The following EBF3 variants were observed in gnomAD, a reference collection of about 807,000 sequenced individuals.
The protein encoded by EBF3 is EBF transcription factor 3.
In EBF3, 18 loss-of-function variants were observed where a neutral mutation model predicts 77.1. The ratio of observed to expected loss-of-function variants is 0.23; its 90% CI spans 0.16 to 0.35. EBF3 has a LOEUF of 0.35. EBF3 is among the 10% of genes least tolerant of loss of function. The pLI is 1.00. For missense variants in EBF3, 558 were observed against 860.0 expected (o/e 0.65, Z 4.39); for synonymous variants, 350 against 343.5 (o/e 1.02, Z -0.21).
intron 4 of EBF3, among the ~76,000 whole-genome samples, chr10:129,960,892 C>T (rs1459182114): frequency 6.6e-6 from 1 of 152,134 alleles, no homozygotes; most frequent in Non-Finnish European, 1.5e-5. Context: ...AACCAGCAGC[C>T]GGAGTTCCAG....
chr10:129,837,970 AG>A lies in EBF3; in HGVS notation c.1873-11del. On this transcript the variant is annotated splice_polypyrimidine_tract_variant and intron_variant, in intron 16 of 16. Transcript: ENST00000440978. The stretch of plus-strand genomic sequence containing the variant: ...ACCAGCCCAGACATAGCTGCAAGAC[AG>A]AAGGACAGAGCAGTTACTGCAGGCT... 6.2e-7 allele frequency: 1 copy of A among 1,614,036 alleles called. No individual in the cohort carries two copies. Among genetic ancestry groups the A allele is most frequent in the Non-Finnish European group, 8.5e-7 (1 of 1,179,958 alleles).
At chr10:129,957,937 G>C (rs1246407525) in intron 5 of EBF3, among the ~76,000 whole-genome samples, 8 of 152,166 alleles carry the variant, frequency 5.3e-5, no homozygotes, top group African/African-American at 1.2e-4. Flanking sequence ...GTCTAAATTA[G>C]CTAAATTAAC....
rs1341147928 is a variant in EBF3 at position 129,938,645 on chromosome 10, G to A, written c.554+18613C>T. 3.9e-5 allele frequency among the ~76,000 whole-genome samples: 6 copies of A among 152,222 alleles called. No individual in the cohort carries two copies. Among genetic ancestry groups the A allele is most frequent in the Non-Finnish European group, 7.3e-5 (5 of 68,042 alleles). ...TTTGATGGGCAGCCCAGGCAGGCAC[G>A]AGCAGAACGCTCCTCCTCCTTGGCT... On this transcript the variant is annotated intron_variant, in intron 6 of 16. Coordinates refer to ENST00000440978, the MANE Select transcript of EBF3 (RefSeq NM_001375380.1). The surrounding 1 kb of genome is among the most constrained non-coding windows in gnomAD (Gnocchi z 5.1).
intron 16 of EBF3, among the ~76,000 whole-genome samples, 191 bp downstream of exon 16, chr10:129,838,892 G>A (rs1235051579): frequency 6.6e-6 from 1 of 152,196 alleles, no homozygotes; most frequent in Non-Finnish European, 1.5e-5. Flanking sequence ...CCGCGTAGGA[G>A]GTGCCGTCTT....
intron 6 of EBF3, among the ~76,000 whole-genome samples, chr10:129,884,952 C>G (rs1373717200): frequency 6.6e-6 from 1 of 152,114 alleles, no homozygotes; most frequent in African/African-American, 2.4e-5. Context: ...GCCAAGGGAC[C>G]CACTTCCCAG....
intron 10 of EBF3, among the ~76,000 whole-genome samples, chr10:129,866,051 C>T (rs1174577059): frequency 1.3e-5 from 2 of 152,240 alleles, no homozygotes; most frequent in African/African-American, 2.4e-5. Flanking sequence ...TCATTAAAAA[C>T]ATCTCTCAAA....
In EBF3 at chr10:129,854,018, A is replaced by G. The variant is rs542810115; in HGVS notation, c.1040-5538T>C. ...CAAAAATGACTGTATAAAAAGTTGCATTAAAAATGTGTGGCCACGGAAGAC... is the reference window on the plus strand; with the variant it reads ...CAAAAATGACTGTATAAAAAGTTGCGTTAAAAATGTGTGGCCACGGAAGAC... On this transcript the variant is annotated intron_variant, in intron 10 of 16. Coordinates refer to ENST00000440978, the MANE Select transcript of EBF3 (RefSeq NM_001375380.1). Among the ~76,000 whole-genome samples, 4 of 152,346 alleles carry G rather than the reference A, an allele frequency of 2.6e-5. No homozygotes were observed. The South Asian group carries it at 6.2e-4, about 24-fold the overall frequency.
intron 6 of EBF3, among the ~76,000 whole-genome samples, chr10:129,950,540 T>C (rs571181624): frequency 1.8e-4 from 28 of 152,362 alleles, no homozygotes; most frequent in African/African-American, 6.7e-4. Flanking sequence ...GACCTTTTTC[T>C]GAAAACATCG....
At chr10:129,942,511 TAGGGA>T (rs1392733408) in intron 6 of EBF3, among the ~76,000 whole-genome samples, 1 of 152,158 alleles carries the variant, frequency 6.6e-6, no homozygotes, top group Non-Finnish European at 1.5e-5. Flanking sequence ...CCACACGCTG[TAGGGA>T]CAGCTGTGCA....
intron 6 of EBF3, among the ~76,000 whole-genome samples, chr10:129,933,099 T>C (rs1857136680): frequency 6.6e-6 from 1 of 152,136 alleles, no homozygotes; most frequent in African/African-American, 2.4e-5. Context: ...TCTCATTCGC[T>C]TGGAATCAGC....
rs1446896170 is a variant in EBF3 at position 129,870,160 on chromosome 10, C to T, written c.782-2248G>A. Among the ~76,000 whole-genome samples the T allele has an allele frequency of 6.6e-6, 1 of 152,124 alleles. No homozygotes were observed. The highest frequency in any genetic ancestry group is 1.5e-5 in the Non-Finnish European group (1 of 68,040). The stretch of plus-strand genomic sequence containing the variant: ...CTTCTCAGCGGAAAGAAAACACGGG[C>T]CTGCCTTGGCCTCCTCCACAGTGAT... On this transcript the variant is annotated intron_variant, in intron 8 of 16. Transcript: ENST00000440978. The surrounding 1 kb of genome is among the most constrained non-coding windows in gnomAD (Gnocchi z 4.4).
At chr10:129,869,420 T>C (rs7076202) in intron 8 of EBF3, among the ~76,000 whole-genome samples, 135,210 of 150,314 alleles carry the variant, frequency 0.9, 61,154 homozygotes, top group African/African-American at 0.98. Flanking sequence ...CTCCTGGCTT[T>C]GCTCCCCCAC....
At chr10:129,899,243 C>T (rs1467543136) in intron 6 of EBF3, among the ~76,000 whole-genome samples, 1 of 152,310 alleles carries the variant, frequency 6.6e-6, no homozygotes, top group African/African-American at 2.4e-5. Flanking sequence ...AATAAGGTGA[C>T]GGCACCATGG....
rs1023769906 is a variant in EBF3, at chr10:129,897,194, G to A, written c.555-19345C>T. Among the ~76,000 whole-genome samples the A allele has an allele frequency of 6.6e-6, 1 of 152,150 alleles. No individual in the cohort carries two copies. The highest frequency in any genetic ancestry group is 1.5e-5 in the Non-Finnish European group (1 of 68,034). On this transcript the variant is annotated intron_variant, in intron 6 of 16. Coordinates refer to ENST00000440978, the MANE Select transcript of EBF3 (RefSeq NM_001375380.1). The surrounding 1 kb of genome is among the most constrained non-coding windows in gnomAD (Gnocchi z 4.6). The stretch of plus-strand genomic sequence containing the variant: ...ACAGACACACTCGCGGTGTACACGG[G>A]CCCTCCACGCAGCCAGGAAGGGGTT...
At chr10:129,886,235 G>A (rs1853577388) in intron 6 of EBF3, among the ~76,000 whole-genome samples, 1 of 152,102 alleles carries the variant, frequency 6.6e-6, no homozygotes, top group Non-Finnish European at 1.5e-5. Flanking sequence ...CACCAGTGTT[G>A]GACCTGCCTA....
In EBF3 at chr10:129,962,147, G is replaced by C. The variant is rs747654493; in HGVS notation, c.411+24C>G. On this transcript the variant is annotated intron_variant, in intron 4 of 16. Coordinates refer to ENST00000440978, the MANE Select transcript of EBF3 (RefSeq NM_001375380.1). ...AACCCAGGCCCAGCAGTGAAAACTC[G>C]TGCAGAGGCATAAACTTTCTCACCT... is the stretch of plus-strand genomic sequence containing the variant. The C allele has an allele frequency of 5.0e-6, 8 of 1,613,642 alleles. No individual in the cohort carries two copies. In the East Asian group the frequency reaches 1.6e-4, roughly 31 times the overall value.
intron 6 of EBF3, among the ~76,000 whole-genome samples, chr10:129,911,513 C>A (rs760930790): frequency 1.3e-5 from 2 of 152,302 alleles, no homozygotes; most frequent in Non-Finnish European, 2.9e-5. Flanking sequence ...AAACCCCCAT[C>A]CCCACCCAGG....
chr10:129,858,190 G>A (rs1167062002), intron 10 of EBF3, among the ~76,000 whole-genome samples: 1 of 152,196 alleles, frequency 6.6e-6, no homozygotes, highest in Non-Finnish European at 1.5e-5. Flanking sequence ...GTGGGCATGT[G>A]AAGCTGCAGC....
intron 10 of EBF3, among the ~76,000 whole-genome samples, chr10:129,852,205 A>G (rs974335259): frequency 6.6e-6 from 1 of 152,234 alleles, no homozygotes; most frequent in Non-Finnish European, 1.5e-5. Flanking sequence ...CTCGGGAAGG[A>G]TACATATTTA....
Sources: gnomAD v4.1 joint callset for allele counts (sites outside exome capture counted in the v4.1 genomes callset) on GRCh38, gnomAD v4.1.1 for gene constraint, Gnocchi (gnomAD v3.1) non-coding constraint, MANE v1.5 for transcripts, NCBI Gene and HGNC (gene_info 2026-07-23, HGNC 2026-07-21) for gene names.